MATN2: variants seen among roughly 807,000 people sequenced by gnomAD.
MATN2 encodes the protein matrilin 2.
Under a neutral mutation model 103.2 loss-of-function variants are expected in MATN2, and 69 were observed. The observed-to-expected ratio is 0.67, with a 90% CI of 0.55 to 0.82. The LOEUF is 0.82. Ranked by LOEUF, MATN2 falls within the 40% of genes least tolerant of loss-of-function variation. MATN2 has a pLI of 0.00. For synonymous variants in MATN2, 429 were observed against 450.2 expected, an observed-to-expected ratio of 0.95 and a Z score of 0.60; for missense variants, 1,023 against 1,211.5, an observed-to-expected ratio of 0.84 and a Z score of 2.31.
intron 2 of MATN2, among the ~76,000 whole-genome samples, chr8:97,891,526 CAG>C (rs1192486740): frequency 1.3e-5 from 2 of 151,928 alleles, no homozygotes; most frequent in Non-Finnish European, 2.9e-5. Context: ...TTTGTAGAGA[CAG>C]GGTTTCGCCA....
At chr8:97,967,490 G>A (rs1811520887) in intron 5 of MATN2, among the ~76,000 whole-genome samples, 1 of 152,042 alleles carries the variant, frequency 6.6e-6, no homozygotes, top group Non-Finnish European at 1.5e-5. Flanking sequence ...AGGTGTTATA[G>A]GCACTGGGTA....
At chr8:97,938,293 G>A (rs774566462) in intron 3 of MATN2, among the ~76,000 whole-genome samples, 2 of 152,208 alleles carry the variant, frequency 1.3e-5, no homozygotes, top group Non-Finnish European at 2.9e-5. Flanking sequence ...CAAAGCAAAT[G>A]CAAATTAAAA....
intron 2 of MATN2, among the ~76,000 whole-genome samples, chr8:97,912,610 G>C (rs978601122): frequency 3.3e-5 from 5 of 152,158 alleles, no homozygotes; most frequent in Non-Finnish European, 4.4e-5. Context: ...GTGTCTAGGG[G>C]AGTCTCTGCA....
At chr8:97,936,580 C>T (rs1246574626) in intron 3 of MATN2, among the ~76,000 whole-genome samples, 1 of 152,100 alleles carries the variant, frequency 6.6e-6, no homozygotes, top group Non-Finnish European at 1.5e-5. Context: ...TTCATACAAT[C>T]ATTAAAAAAA....
chr8:97,986,146 A>G (rs1250382590), intron 6 of MATN2, among the ~76,000 whole-genome samples: 1 of 152,198 alleles, frequency 6.6e-6, no homozygotes, highest in Admixed American at 6.5e-5. Context: ...TTTCTTAGGA[A>G]CACAACAAAA....
At chr8:97,930,903 A>G (rs1223858578) in intron 2 of MATN2, 50 bp from the exon 3 acceptor site, 1 of 1,345,496 alleles carries the variant, frequency 7.4e-7, no homozygotes, top group East Asian at 2.3e-5. Context: ...GGTGTGAGCC[A>G]CCACACCTGG....
chr8:97,917,802 A>G (rs746814994), intron 2 of MATN2, among the ~76,000 whole-genome samples: 41 of 152,162 alleles, frequency 2.7e-4, no homozygotes, highest in Non-Finnish European at 4.7e-4. Flanking sequence ...TAGAATCTCT[A>G]GGCCGGGCAT....
At chr8:97,877,488 C>T (rs200562255) in intron 1 of MATN2, among the ~76,000 whole-genome samples, 14 of 142,796 alleles carry the variant, frequency 9.8e-5, no homozygotes, top group African/African-American at 3.6e-4. Flanking sequence ...AAAAAAAAAA[C>T]TTTTTTTTTT....
At chr8:98,009,570 T>C (rs1299511110) in intron 10 of MATN2, among the ~76,000 whole-genome samples, 2 of 152,220 alleles carry the variant, frequency 1.3e-5, no homozygotes, top group Non-Finnish European at 2.9e-5. Flanking sequence ...TGGGATGAGA[T>C]GGGCACTGCT....
In MATN2 at chr8:97,931,261, G is replaced by A. The variant is rs1262965227; in HGVS notation, c.451G>A (p.Ala151Thr). The A allele has an allele frequency of 6.2e-7, 1 of 1,613,994 alleles. No individual in the cohort carries two copies. The highest frequency in any genetic ancestry group is 8.5e-7 in the Non-Finnish European group (1 of 1,179,886). ...TGCCCTGAACATCGCATTCTCAGAA[G>A]CAGAGGGGGCCCGGCCCCTGAGGGA... The part of the protein sequence containing the change: ...QYALNIAFSE[A>T]EGARPLRENV... Residue 151 changes from alanine (A) to threonine (T), a missense_variant, in exon 3 of 19, where the codon GCA becomes ACA. Coordinates refer to ENST00000254898, the MANE Select transcript of MATN2 (RefSeq NM_002380.5). This position sits in a 1 kb window ranked among gnomAD's most constrained non-coding sequence, Gnocchi z 4.1.
chr8:97,947,296 T>C (rs1192688678), intron 4 of MATN2, among the ~76,000 whole-genome samples: 1 of 152,168 alleles, frequency 6.6e-6, no homozygotes, highest in African/African-American at 2.4e-5. Context: ...CACTTGAACC[T>C]GGGAGGTGTA....
chr8:98,026,218 T>C (rs115314122), intron 13 of MATN2, among the ~76,000 whole-genome samples: 2,392 of 148,002 alleles, frequency 0.016, 61 homozygotes, highest in African/African-American at 0.056. Context: ...AAAGCTTCCA[T>C]GTAAAGAATT....
intron 2 of MATN2, among the ~76,000 whole-genome samples, chr8:97,911,532 C>T (rs1031258612): frequency 6.6e-6 from 1 of 151,820 alleles, no homozygotes; most frequent in African/African-American, 2.4e-5. Flanking sequence ...CATGGTGACG[C>T]CCCGTCTCTA....
chr8:97,896,294 T>A (rs1025427490), intron 2 of MATN2, among the ~76,000 whole-genome samples: 1 of 152,244 alleles, frequency 6.6e-6, no homozygotes, highest in African/African-American at 2.4e-5. Flanking sequence ...AAGTCAATGA[T>A]CTCTCAGGTC....
intron 6 of MATN2, among the ~76,000 whole-genome samples, chr8:97,992,208 G>A (rs1017114858): frequency 6.6e-6 from 1 of 152,200 alleles, no homozygotes; most frequent in African/African-American, 2.4e-5. Context: ...CCTCACATAG[G>A]TCAGAGAGAT....
chr8:97,901,441 T>C (rs984255113), intron 2 of MATN2, among the ~76,000 whole-genome samples: 4 of 152,058 alleles, frequency 2.6e-5, no homozygotes, highest in Admixed American at 1.3e-4. Flanking sequence ...TTAGTAGAGA[T>C]GGGGTTTCGC....
chr8:97,893,769 G>A (rs1818713488), intron 2 of MATN2, among the ~76,000 whole-genome samples: 1 of 151,968 alleles, frequency 6.6e-6, no homozygotes, highest in Non-Finnish European at 1.5e-5. Flanking sequence ...TAGAGACAGG[G>A]TTTCACCATG....
Position 97,989,192 on chromosome 8 carries a change from A to G in MATN2, c.1082-5288A>G, listed in dbSNP as rs1228625061. Among the ~76,000 whole-genome samples, 8 of 152,332 alleles carry G rather than the reference A, an allele frequency of 5.3e-5. No individual in the cohort carries two copies. In the East Asian group the frequency reaches 1.2e-3, roughly 22 times the overall value. ...CAGCAAATTAGGAATGAAGGTGGCCAGGCGTGGTGGCTCACGCCTGTAATC... is the reference window on the plus strand; with the variant it reads ...CAGCAAATTAGGAATGAAGGTGGCCGGGCGTGGTGGCTCACGCCTGTAATC... On this transcript the variant is annotated intron_variant, in intron 6 of 18. Transcript: ENST00000254898.
rs144603993 is a variant in MATN2 at position 98,016,621 on chromosome 8, T to C, written c.1655T>C (p.Phe552Ser). The C allele has an allele frequency of 2.2e-3, 3,600 of 1,612,368 alleles. 51 individuals are homozygous for C. The African/African-American group carries it at 0.04, about 18-fold the overall frequency. The change falls in exon 11 of 19, where the codon TTT becomes TCT. Residue 552 changes from phenylalanine (F) to serine (S), a missense_variant. Coordinates refer to ENST00000254898, the MANE Select transcript of MATN2 (RefSeq NM_002380.5). ...GAAGATTCGTTTGTGTGCCAGTGCT[T>C]TGAAGGTTATATACTCCGTGAAGAT... ...SSEDSFVCQC[F>S]EGYILREDGK...
Sources: allele counts gnomAD v4.1 joint callset (sites outside exome capture counted in the v4.1 genomes callset), GRCh38; gene constraint gnomAD v4.1.1; non-coding constraint Gnocchi (gnomAD v3.1); transcripts MANE v1.5; gene names NCBI Gene and HGNC (gene_info 2026-07-23, HGNC 2026-07-21).